Variants in PLCB1 observed in about 807,000 individuals in gnomAD.
The protein encoded by PLCB1 is phospholipase C beta 1.
PLCB1 carries 46 observed loss-of-function variants against 161.8 expected under a neutral mutation model. The ratio of observed to expected loss-of-function variants is 0.28; its 90% CI spans 0.22 to 0.36. The LOEUF (loss-of-function observed/expected upper bound fraction) is 0.36. Among genes scored for constraint, PLCB1 ranks in the 10% least tolerant of loss-of-function variants. The probability of loss-of-function intolerance (pLI) is 1.00; values close to 1 mark genes in which losing one functional copy is unlikely to be tolerated. For synonymous variants in PLCB1, 517 were observed against 503.7 expected, an observed-to-expected ratio of 1.03 and a Z score of -0.35; for missense variants, 1,016 against 1,472.5, an observed-to-expected ratio of 0.69 and a Z score of 5.07.
At chr20:8,557,328 A>G (rs1391398217) in intron 3 of PLCB1, among the ~76,000 whole-genome samples, 2 of 152,186 alleles carry the variant, frequency 1.3e-5, no homozygotes, top group Non-Finnish European at 2.9e-5. Context: ...AGATAAACAA[A>G]ATGTGGTATA....
chr20:8,426,302 C>A (rs1979768517), intron 3 of PLCB1, among the ~76,000 whole-genome samples: 1 of 152,148 alleles, frequency 6.6e-6, no homozygotes, highest in East Asian at 1.9e-4. Flanking sequence ...AGTTCTATTT[C>A]TTTTCCAGTG....
rs1988425735 is a variant in PLCB1, at chr20:8,628,410, T to C, written c.363T>C (p.Ala121=). ...LVNISHLNLV[A]FQEEVAKEWT... is the part of the protein sequence containing the mutation. ...ACATCTCCCATTTGAATCTCGTGGC[T>C]TTCCAAGAAGAAGTGGCCAAGGTAT... Residue 121 remains alanine (A), a synonymous_variant, in exon 4 of 32, where the codon GCT becomes GCC. Coordinates refer to ENST00000338037, the MANE Select transcript of PLCB1 (RefSeq NM_015192.4). The C allele has an allele frequency of 6.2e-7, 1 of 1,613,968 alleles. No homozygotes were observed. The highest frequency in any genetic ancestry group is 1.1e-5 in the South Asian group (1 of 91,082).
chr20:8,345,503 G>C (rs574578336), intron 2 of PLCB1, among the ~76,000 whole-genome samples: 3 of 152,186 alleles, frequency 2.0e-5, no homozygotes, highest in African/African-American at 7.2e-5. Flanking sequence ...GCAAATGATC[G>C]TAGTTGCCTG....
intron 3 of PLCB1, among the ~76,000 whole-genome samples, chr20:8,561,633 C>G (rs1395641621): frequency 6.6e-6 from 1 of 151,942 alleles, no homozygotes; most frequent in Non-Finnish European, 1.5e-5. Flanking sequence ...TTTTCCCTCC[C>G]CACATTAACT....
chr20:8,292,885 G>A (rs767359217), intron 2 of PLCB1, among the ~76,000 whole-genome samples: 2 of 152,138 alleles, frequency 1.3e-5, no homozygotes, highest in Non-Finnish European at 2.9e-5. Flanking sequence ...CAATGTCTGG[G>A]TTTTTAAATC....
At chr20:8,827,804 G>C (rs1254637434) in intron 31 of PLCB1, among the ~76,000 whole-genome samples, 1 of 152,194 alleles carries the variant, frequency 6.6e-6, no homozygotes, top group African/African-American at 2.4e-5. Context: ...GAATATTTTA[G>C]AGCACATGAA....
In PLCB1 at chr20:8,250,683, A is replaced by C. The variant is rs150763141; in HGVS notation, c.177+100312A>C. On this transcript the variant is annotated intron_variant, in intron 2 of 31. Coordinates refer to ENST00000338037, the MANE Select transcript of PLCB1 (RefSeq NM_015192.4). Reference sequence around the variant, plus strand: ...CATTTAATCTTCCTTTCTGTCTGTCAGTTAGCAAATATTTATTAAGCCCCA... The same window carrying C: ...CATTTAATCTTCCTTTCTGTCTGTCCGTTAGCAAATATTTATTAAGCCCCA... Among the ~76,000 whole-genome samples, 13 of 152,028 alleles carry C rather than the reference A, an allele frequency of 8.6e-5. 1 individual carries two copies. In the East Asian group the frequency reaches 2.3e-3, roughly 27 times the overall value.
At chr20:8,855,829 G>T (rs1326364370) in intron 31 of PLCB1, among the ~76,000 whole-genome samples, 3 of 152,150 alleles carry the variant, frequency 2.0e-5, no homozygotes, top group African/African-American at 7.2e-5. Flanking sequence ...AAATTTTGTG[G>T]TCTTCAGTCT....
chr20:8,829,037 T>C (rs968255252), intron 31 of PLCB1, among the ~76,000 whole-genome samples: 7 of 152,200 alleles, frequency 4.6e-5, no homozygotes, highest in Non-Finnish European at 1.0e-4. Context: ...TATAGACATA[T>C]GCTAAAGCAA....
chr20:8,569,559 T>C (rs1986440975), intron 3 of PLCB1, among the ~76,000 whole-genome samples: 1 of 152,180 alleles, frequency 6.6e-6, no homozygotes, highest in Admixed American at 6.5e-5. Context: ...AGGATATAAG[T>C]ATGAAAGAAA....
At chr20:8,628,521 C>A (rs916001310) in intron 4 of PLCB1, 90 bp downstream of exon 4, 2 of 1,320,526 alleles carry the variant, frequency 1.5e-6, no homozygotes, top group South Asian at 1.3e-5. Flanking sequence ...GAATTTTTGT[C>A]ATATTTAGCA....
intron 10 of PLCB1, among the ~76,000 whole-genome samples, chr20:8,687,302 G>A (rs1408968271): frequency 1.1e-4 from 17 of 152,070 alleles, no homozygotes; most frequent in Admixed American, 1.0e-3. Context: ...TGGGATTAAC[G>A]ACATGAGCCA....
At chr20:8,784,644 CAGT>C (rs1490115142) in intron 27 of PLCB1, among the ~76,000 whole-genome samples, 3 of 151,566 alleles carry the variant, frequency 2.0e-5, no homozygotes, top group African/African-American at 7.3e-5. Context: ...AAACTGAGTA[CAGT>C]AGGACATTTA....
chr20:8,612,753 C>T (rs964781655), intron 3 of PLCB1, among the ~76,000 whole-genome samples: 2 of 152,160 alleles, frequency 1.3e-5, no homozygotes, highest in African/African-American at 4.8e-5. Context: ...GAACTACCAA[C>T]CTAATTAATG....
chr20:8,765,072 C>T, intron 25 of PLCB1, 67 bp from the exon 26 acceptor site: 1 of 1,225,662 alleles, frequency 8.2e-7, no homozygotes, highest in South Asian at 1.4e-5. Context: ...AAGAAGGTAG[C>T]CGCTCTTCTT....
intron 3 of PLCB1, among the ~76,000 whole-genome samples, chr20:8,535,202 CA>C (rs11323420): frequency 0.14 from 7,161 of 52,818 alleles, 52 homozygotes; most frequent in African/African-American, 0.27. Flanking sequence ...AGTTTATGGG[CA>C]AAAAAAAAAA....
At chr20:8,835,024 C>T (rs968479316) in intron 31 of PLCB1, among the ~76,000 whole-genome samples, 1 of 152,092 alleles carries the variant, frequency 6.6e-6, no homozygotes, top group African/African-American at 2.4e-5. Context: ...AAATGCTAAT[C>T]TCATCCAAAA....
chr20:8,478,759 A>G (rs529752686), intron 3 of PLCB1, among the ~76,000 whole-genome samples: 24 of 152,230 alleles, frequency 1.6e-4, no homozygotes, highest in Non-Finnish European at 2.8e-4. Flanking sequence ...AATTTTTGCT[A>G]ACTTCAAAAT....
intron 2 of PLCB1, among the ~76,000 whole-genome samples, chr20:8,274,939 G>A (rs1982459138): frequency 6.6e-6 from 1 of 151,946 alleles, no homozygotes; most frequent in Admixed American, 6.6e-5. Flanking sequence ...TTTTCCTCTG[G>A]ACAAGGATAT....
Sources: gnomAD v4.1 joint callset for allele counts (sites outside exome capture counted in the v4.1 genomes callset) on GRCh38, gnomAD v4.1.1 for gene constraint, MANE v1.5 for transcripts, NCBI Gene and HGNC (gene_info 2026-07-23, HGNC 2026-07-21) for gene names.